PIK3C2G: variants seen among roughly 807,000 people sequenced by gnomAD.
The protein encoded by PIK3C2G is phosphatidylinositol 3-kinase C2 domain-containing subunit gamma.
PIK3C2G carries 168 observed loss-of-function variants against 181.1 expected under a neutral mutation model. That is an observed-to-expected ratio of 0.93 (90% CI 0.82 to 1.05). The LOEUF (loss-of-function observed/expected upper bound fraction) is 1.05, where lower values mean the gene tolerates loss of function less well. Among genes scored for constraint, PIK3C2G ranks in the 50% least tolerant of loss-of-function variants. The pLI is 0.00. For synonymous variants in PIK3C2G, 573 were observed against 592.2 expected, an observed-to-expected ratio of 0.97 and a Z score of 0.47; for missense variants, 1,869 against 1,732.8, an observed-to-expected ratio of 1.08 and a Z score of -1.40.
At chr12:18,510,326 T>C (rs1942125294) in intron 24 of PIK3C2G, among the ~76,000 whole-genome samples, 1 of 152,182 alleles carries the variant, frequency 6.6e-6, no homozygotes, top group African/African-American at 2.4e-5. Context: ...AAATTGTGCA[T>C]CCACAATTTT....
chr12:18,696,291 G>A, the PIK3C2G span: 2 of 979,770 alleles, frequency 2.0e-6, no homozygotes, highest in Non-Finnish European at 2.9e-6. Context: ...TTAAAACATT[G>A]TGAAAGAATT....
At chr12:18,428,077 G>A (rs1269374977) in intron 18 of PIK3C2G, among the ~76,000 whole-genome samples, 1 of 151,696 alleles carries the variant, frequency 6.6e-6, no homozygotes, top group Non-Finnish European at 1.5e-5. Context: ...CTCTAAGGGG[G>A]GAGATTCAAA....
chr12:18,500,555 G>T (rs993300530), intron 22 of PIK3C2G, among the ~76,000 whole-genome samples: 2 of 152,160 alleles, frequency 1.3e-5, no homozygotes, highest in African/African-American at 4.8e-5. Context: ...CTGGCAGGCA[G>T]CTCCACCTGC....
intron 1 of PIK3C2G, among the ~76,000 whole-genome samples, chr12:18,281,463 G>A (rs916472722): frequency 3.9e-5 from 6 of 151,966 alleles, no homozygotes; most frequent in African/African-American, 1.4e-4. Flanking sequence ...GTCAGTTGAT[G>A]AATTTAATGT....
chr12:18,669,498 G>T, the PIK3C2G span, among the ~76,000 whole-genome samples: 3 of 152,144 alleles, frequency 2.0e-5, no homozygotes, highest in South Asian at 2.1e-4. Flanking sequence ...CCATAGACTC[G>T]GTGGCTTAAA....
At chr12:18,726,337 G>T in the PIK3C2G span, among the ~76,000 whole-genome samples, 1 of 151,972 alleles carries the variant, frequency 6.6e-6, no homozygotes, top group Non-Finnish European at 1.5e-5. Flanking sequence ...TTTAAAAAAC[G>T]TTCCTTAAGT....
intron 18 of PIK3C2G, among the ~76,000 whole-genome samples, chr12:18,468,220 A>G (rs1938108171): frequency 2.0e-5 from 3 of 151,910 alleles, no homozygotes; most frequent in Non-Finnish European, 4.4e-5. Context: ...TTAGTCTGCA[A>G]TTTTTTTGTT....
At chr12:18,460,044 C>T (rs1439084625) in intron 18 of PIK3C2G, among the ~76,000 whole-genome samples, 2 of 152,126 alleles carry the variant, frequency 1.3e-5, no homozygotes, top group African/African-American at 2.4e-5. Context: ...GGATTACAGG[C>T]GTGAGCCATC....
the PIK3C2G span, among the ~76,000 whole-genome samples, chr12:18,716,828 G>A: frequency 6.6e-6 from 1 of 152,096 alleles, no homozygotes; most frequent in East Asian, 1.9e-4. Flanking sequence ...ATTTGAAGTT[G>A]AATTTTAACT....
intron 5 of PIK3C2G, among the ~76,000 whole-genome samples, chr12:18,313,202 T>G (rs569424856): frequency 6.6e-6 from 1 of 152,290 alleles, no homozygotes; most frequent in South Asian, 2.1e-4. Context: ...ATTGTATTTA[T>G]AAGAAAAATG....
At chr12:18,464,252 T>C (rs1436260614) in intron 18 of PIK3C2G, among the ~76,000 whole-genome samples, 2 of 152,048 alleles carry the variant, frequency 1.3e-5, no homozygotes, top group East Asian at 1.9e-4. Context: ...TGGTACCTTG[T>C]ATGTGTCCTC....
chr12:18,679,845 G>C, the PIK3C2G span, among the ~76,000 whole-genome samples: 2 of 151,928 alleles, frequency 1.3e-5, no homozygotes, highest in Non-Finnish European at 2.9e-5. Flanking sequence ...TTTAACACCA[G>C]CTCCCAGGTG....
At chr12:18,325,200 A>ACAGC in intron 8 of PIK3C2G, 102 bp downstream of exon 8, 1 of 598,130 alleles carries the variant, frequency 1.7e-6, no homozygotes, top group East Asian at 2.9e-5. Flanking sequence ...AAAAATGAAT[A>ACAGC]AAACAGAGGA....
downstream of PIK3C2G, among the ~76,000 whole-genome samples, chr12:18,653,073 A>C (rs1473625200): frequency 6.6e-6 from 1 of 152,088 alleles, no homozygotes; most frequent in Non-Finnish European, 1.5e-5. Context: ...TTCTGCAAAA[A>C]CTAAGACATC....
In PIK3C2G at chr12:18,471,184, AG is replaced by A. The variant is rs564505972; in HGVS notation, c.2505-17261del. Reference sequence around the variant, plus strand: ...CTTTCTGGTATGCCATAAAGATGCCAGGGGAAGGAAAGCGATGCTCCAGAAG... The same window carrying A: ...CTTTCTGGTATGCCATAAAGATGCCAGGGAAGGAAAGCGATGCTCCAGAAG... On this transcript the variant is annotated intron_variant, in intron 18 of 32. Coordinates refer to ENST00000538779, the MANE Select transcript of PIK3C2G (RefSeq NM_001288772.2). 8.9e-4 allele frequency among the ~76,000 whole-genome samples: 135 copies of A among 152,254 alleles called. 1 individual carries two copies. The highest frequency in any genetic ancestry group is 3.1e-3 in the African/African-American group (130 of 41,566).
chr12:18,361,528 C>T (rs1182335886), intron 11 of PIK3C2G, among the ~76,000 whole-genome samples: 1 of 145,256 alleles, frequency 6.9e-6, no homozygotes, highest in Non-Finnish European at 1.5e-5. Context: ...GTCTGGCTTC[C>T]CACTGAAAAA....
intron 29 of PIK3C2G, among the ~76,000 whole-genome samples, chr12:18,574,129 G>A (rs189983017): frequency 6.6e-6 from 1 of 152,250 alleles, no homozygotes; most frequent in Admixed American, 6.5e-5. Context: ...TGAGATGAAT[G>A]CTACATTTCA....
At chr12:18,308,936 A>T (rs1950531537) in intron 5 of PIK3C2G, among the ~76,000 whole-genome samples, 1 of 151,718 alleles carries the variant, frequency 6.6e-6, no homozygotes, top group Admixed American at 6.6e-5. Flanking sequence ...AAGACCATTG[A>T]CTGCTCTTCC....
At chr12:18,602,177 A>G (rs1947759674) in intron 30 of PIK3C2G, among the ~76,000 whole-genome samples, 1 of 152,016 alleles carries the variant, frequency 6.6e-6, no homozygotes, top group African/African-American at 2.4e-5. Flanking sequence ...ACCTGGAAAC[A>G]GACTGTTGCA....
Sources: allele counts gnomAD v4.1 joint callset (sites outside exome capture counted in the v4.1 genomes callset), GRCh38; gene constraint gnomAD v4.1.1; transcripts MANE v1.5; gene names NCBI Gene and HGNC (gene_info 2026-07-23, HGNC 2026-07-21).